MAP4K4: variants seen among roughly 807,000 people sequenced by gnomAD.
MAP4K4 encodes mitogen-activated protein kinase kinase kinase kinase 4.
Under a neutral mutation model 189.6 loss-of-function variants are expected in MAP4K4, and 38 were observed. The observed-to-expected ratio is 0.20, with a 90% confidence interval of 0.15 to 0.26. The LOEUF is 0.26. Ranked by LOEUF, MAP4K4 falls within the 10% of genes least tolerant of loss-of-function variation. MAP4K4 has a pLI of 1.00. For missense variants in MAP4K4, 1,054 were observed against 1,726.9 expected (o/e 0.61, Z 6.91); for synonymous variants, 610 against 624.3 (o/e 0.98, Z 0.34).
intron 2 of MAP4K4, among the ~76,000 whole-genome samples, chr2:101,790,216 A>G (rs1472068477): frequency 6.6e-6 from 1 of 152,098 alleles, no homozygotes; most frequent in African/African-American, 2.4e-5. Context: ...ACAGGGAAAA[A>G]TTACAGTTAT....
intron 3 of MAP4K4, among the ~76,000 whole-genome samples, chr2:101,806,351 A>C (rs1007513075): frequency 6.7e-6 from 1 of 149,674 alleles, no homozygotes; most frequent in Non-Finnish European, 1.5e-5. Flanking sequence ...AAAAGAGTGA[A>C]TGCCTTCATT....
At chr2:101,742,647 T>G (rs1204050655) in intron 2 of MAP4K4, among the ~76,000 whole-genome samples, 1 of 152,170 alleles carries the variant, frequency 6.6e-6, no homozygotes, top group African/African-American at 2.4e-5. Context: ...ATGGAAAAAG[T>G]CCTCTCCCTG....
intron 21 of MAP4K4, 105 bp downstream of exon 21, chr2:101,868,142 C>CT: frequency 7.9e-7 from 1 of 1,262,452 alleles, no homozygotes; most frequent in Middle Eastern, 1.9e-4. Context: ...AACTTGACTT[C>CT]TTGTTCTTTT....
intron 6 of MAP4K4, among the ~76,000 whole-genome samples, chr2:101,831,443 A>G (rs910211086): frequency 4.0e-5 from 6 of 151,706 alleles, no homozygotes; most frequent in Non-Finnish European, 7.4e-5. Flanking sequence ...TTCATTCAAA[A>G]GGCCCTCTGC....
intron 2 of MAP4K4, among the ~76,000 whole-genome samples, chr2:101,777,679 A>G (rs2084992116): frequency 6.6e-6 from 1 of 152,152 alleles, no homozygotes; most frequent in African/African-American, 2.4e-5. Context: ...TTTTTCTTTT[A>G]ACTATGAGAA....
At chr2:101,881,185 G>A (rs2098379601) in intron 27 of MAP4K4, among the ~76,000 whole-genome samples, 1 of 152,008 alleles carries the variant, frequency 6.6e-6, no homozygotes, top group African/African-American at 2.4e-5. Context: ...ACTAGCAAAG[G>A]GCTAATTTTA....
In MAP4K4 at chr2:101,855,335, G is replaced by A. The variant is rs116494522; in HGVS notation, c.1234-642G>A. Among the ~76,000 whole-genome samples, 322 of 152,278 alleles carry A rather than the reference G, an allele frequency of 2.1e-3. 1 individual carries two copies. The highest frequency in any genetic ancestry group is 7.3e-3 in the African/African-American group (304 of 41,550). ...ACTTACCTTTTCTGAACCTGCTTTC[G>A]CATCTGTAAAGCAGGGATGAAATAA... On this transcript the variant is annotated intron_variant, in intron 12 of 32. Transcript: ENST00000324219.
chr2:101,780,183 A>C (rs1051962948), intron 2 of MAP4K4, among the ~76,000 whole-genome samples: 1 of 152,188 alleles, frequency 6.6e-6, no homozygotes, highest in Non-Finnish European at 1.5e-5. Context: ...TGAAACCTTA[A>C]TTGAAGGTTG....
chr2:101,761,901 C>A (rs564935822), intron 2 of MAP4K4, among the ~76,000 whole-genome samples: 1 of 152,266 alleles, frequency 6.6e-6, no homozygotes, highest in South Asian at 2.1e-4. Flanking sequence ...ATCTGCCACC[C>A]TCACCGAGCT....
chr2:101,737,882 G>A (rs1053979585), intron 2 of MAP4K4, among the ~76,000 whole-genome samples: 4 of 151,938 alleles, frequency 2.6e-5, no homozygotes, highest in Non-Finnish European at 4.4e-5. Context: ...CTTTTTAAAA[G>A]TTGGCCAGGA....
chr2:101,771,472 C>A (rs992887293), intron 2 of MAP4K4, among the ~76,000 whole-genome samples: 1 of 152,182 alleles, frequency 6.6e-6, no homozygotes, highest in African/African-American at 2.4e-5. Flanking sequence ...TTTTGTTCCA[C>A]CCAGTTATGT....
At chr2:101,860,440 T>C (rs1411197344) in intron 15 of MAP4K4, 1 of 184,002 alleles carries the variant, frequency 5.4e-6, no homozygotes, top group African/African-American at 2.4e-5. Flanking sequence ...ACAAGTGTTC[T>C]GTTTGTTCTG....
chr2:101,857,562 G>T (rs960731909), intron 13 of MAP4K4, among the ~76,000 whole-genome samples: 1 of 152,132 alleles, frequency 6.6e-6, no homozygotes, highest in South Asian at 2.1e-4. Context: ...CCTTTGCTCC[G>T]TCACAGTTGG....
In MAP4K4 at chr2:101,892,496, G is replaced by T. The variant is rs374180930; in HGVS notation, c.*1247G>T. ...CATGACACAAGATCTCATTGTTCTC[G>T]ATGTAGAGGGGTTGGTAGCAGACAG... On this transcript the variant is annotated 3_prime_UTR_variant, in exon 33 of 33. Transcript: ENST00000324219. 1.6e-4 allele frequency: 30 copies of T among 182,874 alleles called. 1 individual carries two copies. In the South Asian group the frequency reaches 3.0e-3, roughly 18 times the overall value. The allele number at this position is 182,874 out of a possible 1,614,324, so 11.3% of individuals were successfully genotyped here. A position where few individuals can be genotyped will look rare whatever the true frequency, so the allele number is the denominator to read the frequency against.
intron 2 of MAP4K4, among the ~76,000 whole-genome samples, chr2:101,735,038 C>T (rs1360767404): frequency 4.0e-5 from 6 of 150,748 alleles, no homozygotes; most frequent in Admixed American, 1.3e-4. Context: ...TGTACTACCT[C>T]GCCTCTCACT....
chr2:101,714,514 T>A (rs1003230006), intron 2 of MAP4K4, among the ~76,000 whole-genome samples: 5 of 152,200 alleles, frequency 3.3e-5, no homozygotes, highest in Non-Finnish European at 5.9e-5. Flanking sequence ...TTATGTTATA[T>A]AACTAATCAT....
At chr2:101,890,106 A>G (rs2098543918) in intron 32 of MAP4K4, among the ~76,000 whole-genome samples, 3 of 152,224 alleles carry the variant, frequency 2.0e-5, no homozygotes, top group African/African-American at 7.2e-5. Flanking sequence ...CATGCATGTC[A>G]TGTCCTTTAA....
chr2:101,706,507 G>C (rs1474356369), intron 2 of MAP4K4, among the ~76,000 whole-genome samples: 1 of 151,938 alleles, frequency 6.6e-6, no homozygotes, highest in African/African-American at 2.4e-5. Context: ...AGTTTTCTTT[G>C]TACCTATCAT....
At chr2:101,713,133 G>C (rs2046517773) in intron 2 of MAP4K4, among the ~76,000 whole-genome samples, 1 of 151,016 alleles carries the variant, frequency 6.6e-6, no homozygotes, top group Non-Finnish European at 1.5e-5. Flanking sequence ...TCAAACTCCT[G>C]ACCTCAGGTG....
Sources: allele counts gnomAD v4.1 joint callset (sites outside exome capture counted in the v4.1 genomes callset), GRCh38; gene constraint gnomAD v4.1.1; transcripts MANE v1.5; gene names NCBI Gene and HGNC (gene_info 2026-07-23, HGNC 2026-07-21).